GUCY2F: variants seen among roughly 807,000 people sequenced by gnomAD.
The protein encoded by GUCY2F is retinal guanylyl cyclase 2.
GUCY2F carries 61 observed loss-of-function variants against 73.1 expected under a neutral mutation model. The observed-to-expected ratio is 0.83, with a 90% confidence interval of 0.68 to 1.03. GUCY2F has a LOEUF of 1.03. Ranked by LOEUF, GUCY2F falls within the 50% of genes least tolerant of loss-of-function variation. The pLI, the probability that GUCY2F is intolerant of heterozygous loss-of-function variation, is 0.00. For missense variants in GUCY2F, 912 were observed against 854.3 expected (o/e 1.07, Z -0.84); for synonymous variants, 331 against 307.8 (o/e 1.08, Z -0.79).
chrX:109,478,942 G>A (rs914389627), intron 1 of GUCY2F, among the ~76,000 whole-genome samples: 1 of 112,159 alleles, frequency 8.9e-6, no homozygotes, highest in Non-Finnish European at 1.9e-5. Context: ...AACTGAGTTC[G>A]AATCATTCAT....
chrX:109,416,155 C>T (rs1161460850), intron 8 of GUCY2F, among the ~76,000 whole-genome samples: 2 of 109,387 alleles, frequency 1.8e-5, no homozygotes, highest in African/African-American at 6.7e-5. Flanking sequence ...ACCAAAAAGC[C>T]TTAGATGTAC....
intron 9 of GUCY2F, among the ~76,000 whole-genome samples, chrX:109,405,565 T>A (rs977258897): frequency 1.8e-5 from 2 of 112,094 alleles, no homozygotes; most frequent in South Asian, 7.4e-4. Flanking sequence ...TAAAAGTCTT[T>A]TTAAGTATCT....
At position 109,475,224 on chromosome X, in the gene GUCY2F, T is replaced by C. The variant is rs1247335968; in HGVS notation, c.713A>G (p.Gln238Arg). Residue 238 changes from glutamine to arginine, a missense_variant, in exon 2 of 20, where the codon CAG becomes CGG. By Grantham distance (43) the Gln-to-Arg change is conservative. Transcript: ENST00000218006. ...SMRKALQRIH[Q>R]ADRIRIIIMC... Reference sequence around the variant, plus strand: ...GCACTCACTGCGAATTCTGTCTGCCTGGTGAATCCTCTGGAGGGCTTTCCG... The same window carrying C: ...GCACTCACTGCGAATTCTGTCTGCCCGGTGAATCCTCTGGAGGGCTTTCCG... 8.3e-7 allele frequency: 1 copy of C among 1,201,544 alleles called. No individual in the cohort carries two copies. The highest frequency in any genetic ancestry group is 1.1e-6 in the Non-Finnish European group (1 of 889,142).
intron 8 of GUCY2F, among the ~76,000 whole-genome samples, chrX:109,425,356 T>C (rs1931459376): frequency 9.2e-6 from 1 of 108,565 alleles, no homozygotes; most frequent in Non-Finnish European, 1.9e-5. Flanking sequence ...TGTGTGTGTG[T>C]GTGTGTGTGT....
intron 7 of GUCY2F, among the ~76,000 whole-genome samples, chrX:109,436,792 G>T (rs766362441): frequency 2.9e-4 from 32 of 108,588 alleles, no homozygotes; most frequent in African/African-American, 1.0e-3. Context: ...TTGTGGGGTG[G>T]GGGGAGTGGG....
At chrX:109,393,500 C>T (rs980978078) in intron 12 of GUCY2F, among the ~76,000 whole-genome samples, 2 of 111,065 alleles carry the variant, frequency 1.8e-5, no homozygotes, top group African/African-American at 6.6e-5. Flanking sequence ...TCCTCAAATG[C>T]CACTATGTTG....
intron 12 of GUCY2F, among the ~76,000 whole-genome samples, chrX:109,393,600 G>A (rs987722895): frequency 6.3e-5 from 7 of 111,742 alleles, no homozygotes; most frequent in Non-Finnish European, 9.4e-5. Context: ...TTACCGTGGA[G>A]TCCAAGAATA....
At chrX:109,453,446 A>G in intron 4 of GUCY2F, 59 bp downstream of exon 4, 1 of 674,415 alleles carries the variant, frequency 1.5e-6, no homozygotes, top group Non-Finnish European at 2.3e-6. Flanking sequence ...TCTCCTAAAG[A>G]GGTTCCCTTG....
At chrX:109,387,862 G>C (rs1224969687) in intron 15 of GUCY2F, among the ~76,000 whole-genome samples, 5 of 111,715 alleles carry the variant, frequency 4.5e-5, no homozygotes, top group Non-Finnish European at 1.9e-5. Flanking sequence ...GCCAATTGAG[G>C]AGCATTTTAG....
At chrX:109,473,920 C>T (rs1052345229) in intron 2 of GUCY2F, among the ~76,000 whole-genome samples, 1 of 112,320 alleles carries the variant, frequency 8.9e-6, no homozygotes, top group African/African-American at 3.2e-5. Context: ...GATTTTATGT[C>T]TTTCAAAATA....
rs202122514 is a variant in GUCY2F at position 109,388,554 on chromosome X, A to C, written c.2891T>G (p.Val964Gly). 4 of 1,203,559 alleles carry C rather than the reference A, an allele frequency of 3.3e-6. No individual in the cohort carries two copies. In the East Asian group the frequency reaches 8.9e-5, roughly 27 times the overall value. The change falls in exon 15 of 20, where the codon GTG (valine) becomes GGG (glycine). Residue 964 changes from valine (V) to glycine (G), a missense_variant. Transcript: ENST00000218006. Reference protein sequence around the residue: ...ANMSLDILSSVGTFKMRHMPE... With the variant: ...ANMSLDILSSGGTFKMRHMPE... ...CATGTGCCGCATCTTGAAAGTGCCCACAGAGCTCAGGATATCTAAGGACAT... is the reference window on the plus strand; with the variant it reads ...CATGTGCCGCATCTTGAAAGTGCCCCCAGAGCTCAGGATATCTAAGGACAT...
chrX:109,481,812 C>CT (rs3841674), intron 1 of GUCY2F, 54 bp downstream of exon 1: 5 of 110,148 alleles, frequency 4.5e-5, no homozygotes, highest in East Asian at 5.7e-4. Context: ...TGGGCTGTGT[C>CT]TTTTTTCCCC....
At chrX:109,405,873 A>G (rs1397269770) in intron 9 of GUCY2F, among the ~76,000 whole-genome samples, 1 of 111,688 alleles carries the variant, frequency 9.0e-6, no homozygotes, top group Non-Finnish European at 1.9e-5. Flanking sequence ...AGAAATATTT[A>G]TTGAGTACCT....
intron 1 of GUCY2F, among the ~76,000 whole-genome samples, chrX:109,476,624 A>G (rs1392471608): frequency 9.1e-6 from 1 of 110,354 alleles, no homozygotes; most frequent in Non-Finnish European, 1.9e-5. Context: ...GTACTGAAGA[A>G]AAGTTAGCCA....
chrX:109,465,180 C>T lies in GUCY2F; in HGVS notation c.994G>A (p.Ala332Thr), dbSNP rs758390541. Residue 332 changes from alanine (A) to threonine (T), a missense_variant, in exon 3 of 20, where the codon GCA becomes ACA. Transcript: ENST00000218006. ...TFYQAFTEAA[A>T]RGEIPEKLEF... is the part of the protein sequence containing the mutation. ...AGCTTCTCAGGAATTTCACCTCTTG[C>T]TGCTGCCTCTGTGAAGGCTTGATAG... 2.2e-5 allele frequency: 26 copies of T among 1,207,993 alleles called. No individual in the cohort carries two copies. The Admixed American group carries it at 5.7e-4, about 26-fold the overall frequency.
chrX:109,379,414 T>C (rs1930250688), intron 17 of GUCY2F, among the ~76,000 whole-genome samples: 1 of 112,615 alleles, frequency 8.9e-6, no homozygotes. Context: ...TTTGAGGTGA[T>C]GGCTATGTTA....
chrX:109,446,937 C>A (rs1473417953), intron 6 of GUCY2F, among the ~76,000 whole-genome samples: 4 of 111,679 alleles, frequency 3.6e-5, no homozygotes, highest in Non-Finnish European at 5.7e-5. Context: ...AAGAAAAAAT[C>A]AAAAAATCCC....
At position 109,388,430 on chromosome X, in the gene GUCY2F, T is replaced by C. The variant is rs990612269; in HGVS notation, c.2956+59A>G. On this transcript the variant is annotated intron_variant, in intron 15 of 19. Transcript: ENST00000218006. ...GGGGAGAGCTATCTTTTTCCCTTTCTTTTTTAGTCTTCCTAGAGGCGCATT... is the reference window on the plus strand; with the variant it reads ...GGGGAGAGCTATCTTTTTCCCTTTCCTTTTTAGTCTTCCTAGAGGCGCATT... The C allele has an allele frequency of 1.3e-5, 12 of 894,702 alleles. No individual in the cohort carries two copies. The Admixed American group carries it at 2.2e-4, about 17-fold the overall frequency. The allele number at this position is 894,702 out of a possible 1,213,427, so 73.7% of individuals were successfully genotyped here.
Position 109,453,547 on chromosome X carries a change from C to G in GUCY2F, c.1345G>C (p.Asp449His), listed in dbSNP as rs1486141790. ...HFPGGRPPRADAKCWFAEGKI... is the reference protein window; with the variant it reads ...HFPGGRPPRAHAKCWFAEGKI... ...CCTTCTGCAAACCAGCATTTTGCAT[C>G]TGCTCTAGGGGGCCTGCCACCAGGG... The change falls in exon 4 of 20, where the codon GAT becomes CAT. Residue 449 changes from aspartate (D) to histidine (H), a missense_variant. By Grantham distance (81) the Asp-to-His change is moderately conservative. Coordinates refer to ENST00000218006, the MANE Select transcript of GUCY2F (RefSeq NM_001522.3). The G allele has an allele frequency of 2.5e-6, 3 of 1,207,045 alleles. No individual in the cohort carries two copies. The South Asian group carries it at 5.3e-5, about 21-fold the overall frequency.
Sources: gnomAD v4.1 joint callset for allele counts (sites outside exome capture counted in the v4.1 genomes callset) on GRCh38, gnomAD v4.1.1 for gene constraint, MANE v1.5 for transcripts, NCBI Gene and HGNC (gene_info 2026-07-23, HGNC 2026-07-21) for gene names.